Variants in SEC14L1 observed in about 807,000 individuals in gnomAD.
The protein encoded by SEC14L1 is SEC14-like protein 1.
In SEC14L1, 48 loss-of-function variants were observed where a neutral mutation model predicts 85.3. The observed-to-expected ratio is 0.56, with a 90% confidence interval of 0.45 to 0.72. SEC14L1 has a LOEUF of 0.72. SEC14L1 is among the 30% of genes least tolerant of loss of function. The pLI is 0.00. For missense variants in SEC14L1, 682 were observed against 921.4 expected (o/e 0.74, Z 3.36); for synonymous variants, 391 against 355.5 (o/e 1.10, Z -1.12).
At chr17:77,100,208 T>A (rs773240289) in intron 3 of SEC14L1, among the ~76,000 whole-genome samples, 1 of 152,190 alleles carries the variant, frequency 6.6e-6, no homozygotes, top group South Asian at 2.1e-4. Context: ...TCCTGGTAGA[T>A]GTGGACTGAC....
At position 77,213,295 on chromosome 17, in the gene SEC14L1, A is replaced by T. The variant is rs1262202099; in HGVS notation, c.1864-19A>T. On this transcript the variant is annotated intron_variant, in intron 15 of 16. Coordinates refer to ENST00000436233, the MANE Select transcript of SEC14L1 (RefSeq NM_001143998.2). This position sits in a 1 kb window ranked among gnomAD's most constrained non-coding sequence, Gnocchi z 7.1. ...CGGAAGCGAGTCGCCCTCAGCTGCC[A>T]CTGCCCTACTTGTTCTAGGGTTCCC... 6.3e-7 allele frequency: 1 copy of T among 1,588,156 alleles called. No homozygotes were observed. Among genetic ancestry groups the T allele is most frequent in the Non-Finnish European group, 8.6e-7 (1 of 1,166,504 alleles).
intron 3 of SEC14L1, among the ~76,000 whole-genome samples, chr17:77,124,763 G>A (rs1053033117): frequency 6.6e-6 from 1 of 152,118 alleles, no homozygotes; most frequent in Non-Finnish European, 1.5e-5. Flanking sequence ...TATTTTCTCA[G>A]TGTTCCTTTC....
At position 77,214,776 on chromosome 17, in the gene SEC14L1, G is replaced by A; in HGVS notation, c.*753G>A. 1 of 985,400 alleles carries A rather than the reference G, an allele frequency of 1.0e-6. No homozygotes were observed. Among genetic ancestry groups the A allele is most frequent in the Non-Finnish European group, 1.2e-6 (1 of 829,980 alleles). 61.0% of individuals were successfully genotyped at this position (985,400 alleles called of 1,614,324 possible). ...ATTTTTCTGTATGTGAACTTGGGTG[G>A]GGGGGTTCTTCCCGTTTCCTTCCGT... On this transcript the variant is annotated 3_prime_UTR_variant, in exon 17 of 17. Coordinates refer to ENST00000436233, the MANE Select transcript of SEC14L1 (RefSeq NM_001143998.2).
chr17:77,140,516 C>G (rs1214238101), upstream of SEC14L1, among the ~76,000 whole-genome samples: 2 of 152,266 alleles, frequency 1.3e-5, no homozygotes, highest in African/African-American at 4.8e-5. Flanking sequence ...CGACCAGAGG[C>G]AGGCCTCAGA....
At chr17:77,163,281 G>A (rs142829589) in intron 3 of SEC14L1, among the ~76,000 whole-genome samples, 130 of 152,274 alleles carry the variant, frequency 8.5e-4, no homozygotes, top group African/African-American at 2.8e-3. Context: ...GACACAGAGC[G>A]TCTGCCCCGG....
intron 7 of SEC14L1, among the ~76,000 whole-genome samples, chr17:77,195,389 G>T (rs1177604203): frequency 6.6e-6 from 1 of 152,030 alleles, no homozygotes; most frequent in African/African-American, 2.4e-5. Flanking sequence ...TGCCATCTTG[G>T]CTCACTGCAA....
chr17:77,134,139 CACTT>C (rs1329493380), intron 3 of SEC14L1, among the ~76,000 whole-genome samples: 2 of 152,042 alleles, frequency 1.3e-5, no homozygotes, highest in Non-Finnish European at 2.9e-5. Flanking sequence ...TACCTGATGT[CACTT>C]ACCCTGCCCG....
intron 3 of SEC14L1, among the ~76,000 whole-genome samples, chr17:77,134,813 TG>T (rs1360283501): frequency 1.3e-5 from 2 of 152,240 alleles, no homozygotes; most frequent in Admixed American, 6.5e-5. Context: ...AGGTTGGTCT[TG>T]AACTCCTGAG....
chr17:77,191,907 A>G (rs1370679494), intron 5 of SEC14L1, among the ~76,000 whole-genome samples: 1 of 142,594 alleles, frequency 7.0e-6, no homozygotes, highest in Non-Finnish European at 1.5e-5. Flanking sequence ...AGTTATTCTC[A>G]TTCCCCAGCC....
rs1567939525 is a variant in SEC14L1 at position 77,213,304 on chromosome 17, C to T, written c.1864-10C>T. On this transcript the variant is annotated splice_polypyrimidine_tract_variant and intron_variant, in intron 15 of 16. Transcript: ENST00000436233. This position sits in a 1 kb window ranked among gnomAD's most constrained non-coding sequence, Gnocchi z 7.1. ...GTCGCCCTCAGCTGCCACTGCCCTA[C>T]TTGTTCTAGGGTTCCCATGTGACCA... The T allele has an allele frequency of 4.4e-6, 7 of 1,597,514 alleles. No individual in the cohort carries two copies. Among genetic ancestry groups the T allele is most frequent in the Non-Finnish European group, 6.0e-6 (7 of 1,171,534 alleles).
chr17:77,090,528 C>T (rs1971488678), intron 2 of SEC14L1, among the ~76,000 whole-genome samples: 2 of 149,874 alleles, frequency 1.3e-5, no homozygotes, highest in South Asian at 2.1e-4. Flanking sequence ...AAAAAAGATC[C>T]GATGGAGACT....
chr17:77,089,931 CG>C (rs1971464857), intron 2 of SEC14L1: 1 of 155,662 alleles, frequency 6.4e-6, no homozygotes. Context: ...GCAGGAGAAT[CG>C]CTTGAACCCA....
chr17:77,214,477 C>T lies in SEC14L1; in HGVS notation c.*454C>T, dbSNP rs928744430. ...CCAAGCTGCCTCATGGCCCGCACGC[C>T]GCCTCACGGCCCCCATGCTTCCCGC... On this transcript the variant is annotated 3_prime_UTR_variant, in exon 17 of 17. Transcript: ENST00000436233. 13 of 1,000,350 alleles carry T rather than the reference C, an allele frequency of 1.3e-5. No homozygotes were observed. Among genetic ancestry groups the T allele is most frequent in the Middle Eastern group, 5.1e-4 (1 of 1,950 alleles). 62.0% of individuals were successfully genotyped at this position (1,000,350 alleles called of 1,614,324 possible).
At chr17:77,100,032 A>G (rs912045770) in intron 3 of SEC14L1, among the ~76,000 whole-genome samples, 4 of 152,232 alleles carry the variant, frequency 2.6e-5, no homozygotes, top group African/African-American at 9.6e-5. Flanking sequence ...GGCTTCTAAC[A>G]CTAGGCTAAG....
chr17:77,115,842 ATCT>A (rs1302175818), intron 3 of SEC14L1, among the ~76,000 whole-genome samples: 1 of 152,058 alleles, frequency 6.6e-6, no homozygotes, highest in African/African-American at 2.4e-5. Flanking sequence ...TATATTTAAA[ATCT>A]TCTTTATCAA....
At chr17:77,167,127 C>G (rs1274183927) in intron 3 of SEC14L1, among the ~76,000 whole-genome samples, 2 of 144,624 alleles carry the variant, frequency 1.4e-5, no homozygotes, top group African/African-American at 5.2e-5. Flanking sequence ...GTTTGTCTTT[C>G]TGTTTTCTTT....
intron 3 of SEC14L1, among the ~76,000 whole-genome samples, chr17:77,147,978 A>G (rs377737230): frequency 6.6e-6 from 1 of 152,296 alleles, no homozygotes; most frequent in East Asian, 1.9e-4. Flanking sequence ...AGGGTTTAAG[A>G]TCTCACGGGA....
At chr17:77,129,854 C>T (rs1361033691) in intron 3 of SEC14L1, among the ~76,000 whole-genome samples, 1 of 152,060 alleles carries the variant, frequency 6.6e-6, no homozygotes, top group Non-Finnish European at 1.5e-5. Flanking sequence ...AGCAGCAAGT[C>T]GAGCCTCCCT....
intron 8 of SEC14L1, 125 bp from the exon 9 acceptor site, chr17:77,200,359 G>T: frequency 1.5e-6 from 1 of 668,770 alleles, no homozygotes; most frequent in South Asian, 2.0e-5. Flanking sequence ...AGTAGAGATG[G>T]CATTTCACCA....
Sources: gnomAD v4.1 joint callset for allele counts (sites outside exome capture counted in the v4.1 genomes callset) on GRCh38, gnomAD v4.1.1 for gene constraint, Gnocchi (gnomAD v3.1) non-coding constraint, MANE v1.5 for transcripts, NCBI Gene and HGNC (gene_info 2026-07-23, HGNC 2026-07-21) for gene names.